The following SORBS3 variants were observed in gnomAD, a reference collection of about 807,000 sequenced individuals.
SORBS3 encodes the protein sorbin and SH3 domain containing 3.
SORBS3 carries 69 observed loss-of-function variants against 98.0 expected under a neutral mutation model. The ratio of observed to expected loss-of-function variants is 0.70; its 90% CI spans 0.58 to 0.86. SORBS3 has a LOEUF of 0.86. SORBS3 is among the 40% of genes least tolerant of loss of function. The pLI, the probability that SORBS3 is intolerant of heterozygous loss-of-function variation, is 0.00. For synonymous variants in SORBS3, 394 were observed against 355.4 expected (o/e 1.11, Z -1.22); for missense variants, 954 against 908.5 (o/e 1.05, Z -0.64).
upstream of SORBS3, chr8:22,549,914 C>T: frequency 1.1e-6 from 1 of 878,642 alleles, no homozygotes; most frequent in Non-Finnish European, 1.4e-6. Context: ...AGGTCAGAGC[C>T]CTAGAGAATA....
In SORBS3 at chr8:22,565,919, C is replaced by G. The variant is rs903501742; in HGVS notation, c.950+47C>G. 172 of 1,180,552 alleles carry G rather than the reference C, an allele frequency of 1.5e-4. 2 individuals carry two copies. In the East Asian group the frequency reaches 4.6e-3, roughly 32 times the overall value. 73.1% of individuals were successfully genotyped at this position (1,180,552 alleles called of 1,614,324 possible). A position where few individuals can be genotyped will look rare whatever the true frequency, so the allele number is the denominator to read the frequency against. ...AGGAAGGGGGCTGTCCCAGGCCGGG[C>G]GGGAGGGAACGTGGCGCGGCCGGGC... On this transcript the variant is annotated intron_variant, in intron 12 of 20. Transcript: ENST00000240123.
In SORBS3 at chr8:22,566,691, C is replaced by T. The variant is rs1015731910; in HGVS notation, c.1121C>T (p.Pro374Leu). Residue 374 changes from proline to leucine, a missense_variant, in exon 14 of 21, where the codon CCA becomes CTA. Transcript: ENST00000240123. ...DPSASNGGGS[P>L]ARREEKKRKA... ...AGTGCCTCTAACGGAGGGGGCAGCC[C>T]AGCCAGGAGGGAAGAGAAGAAGGTA... is the stretch of plus-strand genomic sequence containing the variant. 1.9e-6 allele frequency: 3 copies of T among 1,611,446 alleles called. No individual in the cohort carries two copies. Among genetic ancestry groups the T allele is most frequent in the Non-Finnish European group, 1.7e-6 (2 of 1,179,246 alleles).
chr8:22,554,713 G>A lies in SORBS3; in HGVS notation c.102+105G>A. ...GGATGAAAGGGATGGAGGGAGGGCTGAAGAGAGCTCTGGGGGGCCTCGCTG... is the reference window on the plus strand; with the variant it reads ...GGATGAAAGGGATGGAGGGAGGGCTAAAGAGAGCTCTGGGGGGCCTCGCTG... On this transcript the variant is annotated intron_variant, in intron 2 of 20. Transcript: ENST00000240123. The surrounding 1 kb of genome is among the most constrained non-coding windows in gnomAD (Gnocchi z 6.5). The A allele has an allele frequency of 7.1e-7, 1 of 1,408,008 alleles. No homozygotes were observed. The highest frequency in any genetic ancestry group is 9.6e-7 in the Non-Finnish European group (1 of 1,043,026). 87.2% of individuals were successfully genotyped at this position (1,408,008 alleles called of 1,614,324 possible).
intron 12 of SORBS3, 97 bp downstream of exon 12, chr8:22,565,969 G>A (rs1381897205): frequency 5.9e-6 from 5 of 847,826 alleles, no homozygotes; most frequent in Non-Finnish European, 6.2e-6. Context: ...CGATCGCGGG[G>A]CCCAGCCGGG....
intron 18 of SORBS3, among the ~76,000 whole-genome samples, chr8:22,571,431 C>G (rs2117297805): frequency 6.6e-6 from 1 of 152,292 alleles, no homozygotes; most frequent in East Asian, 1.9e-4. Flanking sequence ...GATGGAATCC[C>G]AAAGCCGGCC....
At chr8:22,573,025 T>C (rs1053658276) in intron 20 of SORBS3, among the ~76,000 whole-genome samples, 1 of 152,214 alleles carries the variant, frequency 6.6e-6, no homozygotes, top group Non-Finnish European at 1.5e-5. Flanking sequence ...CTTCAAAGGA[T>C]GGGCCGTCCC....
intron 1 of SORBS3, among the ~76,000 whole-genome samples, chr8:22,552,683 C>T (rs1388469997): frequency 6.6e-6 from 1 of 152,200 alleles, no homozygotes; most frequent in Non-Finnish European, 1.5e-5. Flanking sequence ...AAGGAAGGCG[C>T]TGTCAGCTGA....
chr8:22,565,937 G>A (rs1385708002), intron 12 of SORBS3, 65 bp downstream of exon 12: 3 of 1,101,772 alleles, frequency 2.7e-6, no homozygotes, highest in African/African-American at 3.3e-5. Context: ...AACGTGGCGC[G>A]GCCGGGCGGG....
intron 1 of SORBS3, among the ~76,000 whole-genome samples, chr8:22,553,260 C>G (rs1262677128): frequency 6.6e-6 from 1 of 152,150 alleles, no homozygotes; most frequent in Non-Finnish European, 1.5e-5. Flanking sequence ...AGCTCTGCAC[C>G]CAGATTCCAA....
rs1466309758 is a variant in SORBS3, at chr8:22,565,288, G to GGCCGAGCTGAGC, written c.847_858dup (p.Ser283_Leu286dup). On this transcript the variant is annotated inframe_insertion, in exon 11 of 21. Coordinates refer to ENST00000240123, the MANE Select transcript of SORBS3 (RefSeq NM_005775.5). ...CCCAGGTGCTGCTGGAGAGAGAGCT[G>GGCCGAGCTGAGC]GCCGAGCTGAGCGCCGAGCTGGACA... 5 of 1,555,602 alleles carry GGCCGAGCTGAGC rather than the reference G, an allele frequency of 3.2e-6. No homozygotes were observed. Among genetic ancestry groups the GGCCGAGCTGAGC allele is most frequent in the East Asian group, 2.4e-5 (1 of 41,338 alleles).
rs1365582841 is a variant in SORBS3 at position 22,574,811 on chromosome 8, A to T, written c.*83A>T. ...TGGGAGGGAGAGGACCCCCGCCCAC[A>T]TCCTCCTTCCCCAGGACCTGAGCTC... On this transcript the variant is annotated 3_prime_UTR_variant, in exon 21 of 21. Transcript: ENST00000240123. 3 of 1,323,754 alleles carry T rather than the reference A, an allele frequency of 2.3e-6. No homozygotes were observed. In the Admixed American group the frequency reaches 5.1e-5, roughly 22 times the overall value. 82.0% of individuals were successfully genotyped at this position (1,323,754 alleles called of 1,614,324 possible).
chr8:22,572,104 G>A (rs1191686259), intron 19 of SORBS3, among the ~76,000 whole-genome samples: 1 of 152,188 alleles, frequency 6.6e-6, no homozygotes, highest in East Asian at 1.9e-4. Context: ...GGAACTGGTG[G>A]AATGGACAGG....
chr8:22,564,898 G>A (rs1260424767), intron 10 of SORBS3: 1 of 1,273,700 alleles, frequency 7.9e-7, no homozygotes, highest in Non-Finnish European at 1.0e-6. Flanking sequence ...CCCTGGGGTG[G>A]CGGGGGAACC....
chr8:22,555,630 G>A (rs1399302247), intron 3 of SORBS3, among the ~76,000 whole-genome samples: 1 of 151,980 alleles, frequency 6.6e-6, no homozygotes, highest in Non-Finnish European at 1.5e-5. Flanking sequence ...GTGTGTGGAT[G>A]ACCTGAGGTC....
chr8:22,568,005 G>A (rs1424852339), intron 16 of SORBS3, among the ~76,000 whole-genome samples: 29 of 152,000 alleles, frequency 1.9e-4, no homozygotes, highest in Non-Finnish European at 1.5e-4. Flanking sequence ...GCGCCACCAC[G>A]CCCAGATAAT....
intron 12 of SORBS3, 143 bp from the exon 13 acceptor site, chr8:22,566,202 T>C: frequency 9.0e-7 from 1 of 1,107,622 alleles, no homozygotes; most frequent in Non-Finnish European, 1.2e-6. Flanking sequence ...AAGTAGGACA[T>C]CCTGTGGAGA....
At position 22,553,779 on chromosome 8, in the gene SORBS3, C is replaced by T. The variant is rs975093399; in HGVS notation, c.-55-673C>T. Reference sequence around the variant, plus strand: ...GGGCATGAGCAGGTTCAGCTCTGCCCTCACCCACCGCTTCTGTCTCCACCC... The same window carrying T: ...GGGCATGAGCAGGTTCAGCTCTGCCTTCACCCACCGCTTCTGTCTCCACCC... On this transcript the variant is annotated intron_variant, in intron 1 of 20. Transcript: ENST00000240123. Among the ~76,000 whole-genome samples the T allele has an allele frequency of 4.6e-5, 7 of 152,350 alleles. No individual in the cohort carries two copies. In the South Asian group the frequency reaches 1.4e-3, roughly 32 times the overall value.
At chr8:22,562,060 C>T in intron 7 of SORBS3, 129 bp downstream of exon 7, 1 of 804,364 alleles carries the variant, frequency 1.2e-6, no homozygotes, top group Non-Finnish European at 2.1e-6. Flanking sequence ...GTCTCACTTC[C>T]GTGTCCGTCT....
intron 7 of SORBS3, among the ~76,000 whole-genome samples, chr8:22,563,758 A>T (rs958963942): frequency 6.6e-6 from 1 of 152,198 alleles, no homozygotes. Flanking sequence ...GCTCTGAGGG[A>T]TCAGTAACTT....
Sources: allele counts gnomAD v4.1 joint callset (sites outside exome capture counted in the v4.1 genomes callset), GRCh38; gene constraint gnomAD v4.1.1; non-coding constraint Gnocchi (gnomAD v3.1); transcripts MANE v1.5; gene names NCBI Gene and HGNC (gene_info 2026-07-23, HGNC 2026-07-21).